TSC22D2: variants seen among roughly 807,000 people sequenced by gnomAD.
The protein encoded by TSC22D2 is TSC22 domain family protein 2.
A neutral mutation model predicts 50.1 loss-of-function variants in TSC22D2; 5 were observed. The ratio of observed to expected loss-of-function variants is 0.10; its 90% CI spans 0.05 to 0.21. TSC22D2 has a LOEUF of 0.21. Ranked by LOEUF, TSC22D2 falls within the 10% of genes least tolerant of loss-of-function variation. The pLI is 1.00. For synonymous variants in TSC22D2, 501 were observed against 450.1 expected, an observed-to-expected ratio of 1.11 and a Z score of -1.43; for missense variants, 1,003 against 1,015.5, an observed-to-expected ratio of 0.99 and a Z score of 0.17.
chr3:150,410,464 G>A lies in TSC22D2; in HGVS notation c.1114G>A (p.Val372Ile), dbSNP rs2108054764. 3 of 1,608,636 alleles carry A rather than the reference G, an allele frequency of 1.9e-6. No individual in the cohort carries two copies. The East Asian group carries it at 6.7e-5, about 36-fold the overall frequency. ...PQIPPGHLLP[V>I]QPSGQSEYLQ... ...GATACCGCCCGGACATTTGCTGCCC[G>A]TCCAGCCCTCCGGCCAGAGTGAGTA... The change falls in exon 1 of 3, where the codon GTC becomes ATC. Residue 372 changes from valine (V) to isoleucine (I), a missense_variant. Val to Ile is a conservative substitution (Grantham distance 29). This residue lies in a region of TSC22D2 where 696 missense variants were observed against 647.8 expected (regional missense o/e 1.07). Coordinates refer to ENST00000688009, the MANE Select transcript of TSC22D2 (RefSeq NM_001303264.2).
intron 1 of TSC22D2, among the ~76,000 whole-genome samples, chr3:150,447,786 C>T (rs912653417): frequency 2.0e-5 from 3 of 152,204 alleles, no homozygotes; most frequent in Non-Finnish European, 4.4e-5. Flanking sequence ...TAATCCCTCT[C>T]ACCCTGTTTT....
In TSC22D2 at chr3:150,458,951, T is replaced by C; in HGVS notation, c.*315T>C. On this transcript the variant is annotated 3_prime_UTR_variant, in exon 3 of 3. Transcript: ENST00000688009. ...GTTTTGGTGGCTCTCCCATGTTTCC[T>C]ATTACCCATGGATTTACCCTGAGCC... 4.1e-6 allele frequency: 1 copy of C among 243,938 alleles called. No homozygotes were observed. The highest frequency in any genetic ancestry group is 7.9e-6 in the Non-Finnish European group (1 of 126,726). The allele number at this position is 243,938 out of a possible 1,614,324, so 15.1% of individuals were successfully genotyped here.
rs564029820 is a variant in TSC22D2, at chr3:150,454,110, C to T, written c.1959-2966C>T. 2.0e-5 allele frequency among the ~76,000 whole-genome samples: 3 copies of T among 152,144 alleles called. No individual in the cohort carries two copies. In the Middle Eastern group the frequency reaches 0.01, roughly 517 times the overall value. Reference sequence around the variant, plus strand: ...GCCTTTTTGCACTATAAAAAGTTTGCGAAGATTGGTAGACCCCAGAAAGGA... The same window carrying T: ...GCCTTTTTGCACTATAAAAAGTTTGTGAAGATTGGTAGACCCCAGAAAGGA... On this transcript the variant is annotated intron_variant, in intron 1 of 2. Coordinates refer to ENST00000688009, the MANE Select transcript of TSC22D2 (RefSeq NM_001303264.2).
chr3:150,452,487 T>C (rs966802704), intron 1 of TSC22D2, among the ~76,000 whole-genome samples: 12 of 152,188 alleles, frequency 7.9e-5, no homozygotes, highest in Admixed American at 5.9e-4. Flanking sequence ...ATTACCTTTT[T>C]CTTTAGTGAT....
In TSC22D2 at chr3:150,458,575, T is replaced by C. The variant is rs1364267283; in HGVS notation, c.2210T>C (p.Val737Ala). ...NPGSTSQQQA[V>A]IAQPPQPTQP... is the part of the protein sequence containing the mutation. ...GGTAGCACTTCTCAACAGCAAGCAG[T>C]GATAGCACAGCCTCCGCAGCCAACG... The change falls in exon 3 of 3, where the codon GTG (valine) becomes GCG (alanine). Residue 737 changes from valine (V) to alanine (A), a missense_variant. Physicochemically the swap from Val to Ala is moderately conservative, Grantham distance 64. Around this residue, in one of 6 missense-constraint regions of TSC22D2, gnomAD observed 54 missense variants for 51.4 expected, o/e 1.05. Transcript: ENST00000688009. The C allele has an allele frequency of 2.5e-6, 4 of 1,614,028 alleles. No individual in the cohort carries two copies. In the African/African-American group the frequency reaches 4.0e-5, roughly 16 times the overall value.
chr3:150,420,193 G>A (rs1431566687), intron 1 of TSC22D2, among the ~76,000 whole-genome samples: 2 of 152,234 alleles, frequency 1.3e-5, no homozygotes, highest in African/African-American at 4.8e-5. Flanking sequence ...AATCTTTACA[G>A]ATGGCTCTTT....
chr3:150,458,786 T>C lies in TSC22D2; in HGVS notation c.*150T>C. On this transcript the variant is annotated 3_prime_UTR_variant, in exon 3 of 3. Transcript: ENST00000688009. The stretch of plus-strand genomic sequence containing the variant: ...ATTAGACAATCATTCTACAAGAGCT[T>C]TTCCTCTCTCTGAGATGTCATGCAG... 8 of 985,164 alleles carry C rather than the reference T, an allele frequency of 8.1e-6. No individual in the cohort carries two copies. The highest frequency in any genetic ancestry group is 2.9e-5 in the Admixed American group (1 of 35,030). The allele number at this position is 985,164 out of a possible 1,614,324, so 61.0% of individuals were successfully genotyped here.
At position 150,410,558 on chromosome 3, in the gene TSC22D2, C is replaced by G; in HGVS notation, c.1208C>G (p.Ala403Gly). The change falls in exon 1 of 3, where the codon GCG becomes GGG. Residue 403 changes from alanine (A) to glycine (G), a missense_variant. Ala to Gly is a moderately conservative substitution (Grantham distance 60). This residue lies in a region of TSC22D2 where 696 missense variants were observed against 647.8 expected (regional missense o/e 1.07). Coordinates refer to ENST00000688009, the MANE Select transcript of TSC22D2 (RefSeq NM_001303264.2). ...CAGCCCTCGTCCACCGGCGCCGCAG[C>G]GAGCCCCGCCACGGCGGCCACCCTT... ...PAQPSSTGAA[A>G]SPATAATLPV... is the part of the protein sequence containing the mutation. The G allele has an allele frequency of 6.5e-7, 1 of 1,546,724 alleles. No homozygotes were observed. The highest frequency in any genetic ancestry group is 1.2e-5 in the South Asian group (1 of 83,872).
chr3:150,448,371 G>T (rs753452759), intron 1 of TSC22D2, among the ~76,000 whole-genome samples: 5 of 151,990 alleles, frequency 3.3e-5, no homozygotes, highest in Non-Finnish European at 5.9e-5. Context: ...CCAGCTGCTT[G>T]GGTGACTGCG....
intron 1 of TSC22D2, among the ~76,000 whole-genome samples, chr3:150,453,085 C>A (rs1382923544): frequency 5.9e-5 from 9 of 152,104 alleles, no homozygotes; most frequent in Non-Finnish European, 1.2e-4. Flanking sequence ...TCTATACATA[C>A]ACACTAATCT....
At chr3:150,432,599 A>T (rs2108080492) in intron 1 of TSC22D2, among the ~76,000 whole-genome samples, 1 of 152,032 alleles carries the variant, frequency 6.6e-6, no homozygotes, top group Non-Finnish European at 1.5e-5. Context: ...AAAAAAAAAT[A>T]ATAAATAACT....
chr3:150,430,555 A>G (rs1390974801), intron 1 of TSC22D2, among the ~76,000 whole-genome samples: 1 of 152,220 alleles, frequency 6.6e-6, no homozygotes, highest in African/African-American at 2.4e-5. Flanking sequence ...GGAAGGAGAA[A>G]GTAGTGATGA....
chr3:150,428,101 G>A (rs1012363612), intron 1 of TSC22D2, among the ~76,000 whole-genome samples: 1 of 151,942 alleles, frequency 6.6e-6, no homozygotes, highest in Non-Finnish European at 1.5e-5. Context: ...TTTAGTCATT[G>A]TGTCTTCCAT....
At position 150,422,898 on chromosome 3, in the gene TSC22D2, T is replaced by C. The variant is rs1362419974; in HGVS notation, c.1958+11590T>C. The C allele has an allele frequency of 6.0e-6, 3 of 503,328 alleles. No individual in the cohort carries two copies. The East Asian group carries it at 1.0e-4, about 17-fold the overall frequency. The allele number at this position is 503,328 out of a possible 1,614,324, so 31.2% of individuals were successfully genotyped here. On this transcript the variant is annotated intron_variant, in intron 1 of 2. Coordinates refer to ENST00000688009, the MANE Select transcript of TSC22D2 (RefSeq NM_001303264.2). ...CAGTTTTTAATTTCTTCTAAAGTGT[T>C]GTTTTAAGCAAACTTATGTGGTTTT...
At chr3:150,446,428 T>A (rs1360292817) in intron 1 of TSC22D2, among the ~76,000 whole-genome samples, 1 of 152,132 alleles carries the variant, frequency 6.6e-6, no homozygotes, top group Non-Finnish European at 1.5e-5. Context: ...GGCAGGAGGA[T>A]CACTTGAGCC....
intron 1 of TSC22D2, among the ~76,000 whole-genome samples, chr3:150,433,077 A>G (rs1252514902): frequency 6.6e-6 from 1 of 152,238 alleles, no homozygotes; most frequent in African/African-American, 2.4e-5. Context: ...TATTTGACAG[A>G]AATAAATTTA....
At chr3:150,441,763 A>G (rs1576552995) in intron 1 of TSC22D2, among the ~76,000 whole-genome samples, 1 of 152,114 alleles carries the variant, frequency 6.6e-6, no homozygotes, top group African/African-American at 2.4e-5. Flanking sequence ...CAATCAATCA[A>G]TCAGTCAATA....
chr3:150,443,765 CACATAGAT>C (rs1297480169), intron 1 of TSC22D2, among the ~76,000 whole-genome samples: 1 of 152,178 alleles, frequency 6.6e-6, no homozygotes, highest in African/African-American at 2.4e-5. Context: ...GCTGAGAGAA[CACATAGAT>C]ACTTATGAGG....
In TSC22D2 at chr3:150,464,043, G is replaced by A. The variant is rs992124216; in HGVS notation, c.*5407G>A. 6.6e-6 allele frequency: 1 copy of A among 152,132 alleles called. No homozygotes were observed. The highest frequency in any genetic ancestry group is 2.4e-5 in the African/African-American group (1 of 41,422). 9.4% of individuals were successfully genotyped at this position (152,132 alleles called of 1,614,324 possible). On this transcript the variant is annotated 3_prime_UTR_variant, in exon 3 of 3. Coordinates refer to ENST00000688009, the MANE Select transcript of TSC22D2 (RefSeq NM_001303264.2). ...CCCCTTGGAGGGAAGGGAAAGGTGTGCTAACTTAGATCATAAAAACAACTG... is the reference window on the plus strand; with the variant it reads ...CCCCTTGGAGGGAAGGGAAAGGTGTACTAACTTAGATCATAAAAACAACTG...
Sources: gnomAD v4.1 joint callset for allele counts (sites outside exome capture counted in the v4.1 genomes callset) on GRCh38, gnomAD v4.1.1 for gene constraint, gnomAD v4.1.1 regional missense constraint, MANE v1.5 for transcripts, NCBI Gene and HGNC (gene_info 2026-07-23, HGNC 2026-07-21) for gene names.